The following BANK1 variants were observed in gnomAD, a reference collection of about 807,000 sequenced individuals.
The protein encoded by BANK1 is B-cell scaffold protein with ankyrin repeats.
Under a neutral mutation model 94.5 loss-of-function variants are expected in BANK1, and 95 were observed. The ratio of observed to expected loss-of-function variants is 1.00; its 90% CI spans 0.85 to 1.19. The LOEUF is 1.19. Among genes scored for constraint, BANK1 ranks in the 50% most tolerant of loss-of-function variants. BANK1 has a pLI of 0.00. For synonymous variants in BANK1, 334 were observed against 308.4 expected, an observed-to-expected ratio of 1.08 and a Z score of -0.87; for missense variants, 987 against 932.2, an observed-to-expected ratio of 1.06 and a Z score of -0.77.
intron 1 of BANK1, among the ~76,000 whole-genome samples, chr4:101,817,132 C>T (rs1407839635): frequency 6.6e-6 from 1 of 152,094 alleles, no homozygotes; most frequent in Non-Finnish European, 1.5e-5. Flanking sequence ...ATGTTTGTTT[C>T]CTTCAAAATG....
At chr4:101,802,337 C>T (rs944016314) in intron 1 of BANK1, among the ~76,000 whole-genome samples, 4 of 152,106 alleles carry the variant, frequency 2.6e-5, no homozygotes, top group Admixed American at 6.5e-5. Context: ...CTAATTGATG[C>T]CTGAAGTAAT....
intron 2 of BANK1, among the ~76,000 whole-genome samples, chr4:101,848,253 G>T (rs1209300247): frequency 6.6e-6 from 1 of 152,116 alleles, no homozygotes. Flanking sequence ...CCTCCAGAGG[G>T]TCTGTGGGTC....
At chr4:101,898,779 T>C (rs571769233) in intron 6 of BANK1, among the ~76,000 whole-genome samples, 231 of 152,158 alleles carry the variant, frequency 1.5e-3, no homozygotes, top group African/African-American at 5.5e-3. Flanking sequence ...TACCATTCCA[T>C]GTCAATAGGT....
intron 2 of BANK1, among the ~76,000 whole-genome samples, chr4:101,847,303 AGTT>A (rs1195997609): frequency 6.6e-6 from 1 of 151,894 alleles, no homozygotes; most frequent in African/African-American, 2.4e-5. Context: ...AATGTTCAGT[AGTT>A]GTTAGTTGTT....
intron 3 of BANK1, among the ~76,000 whole-genome samples, chr4:101,861,590 C>G (rs17031724): frequency 0.015 from 2,332 of 152,034 alleles, 56 homozygotes; most frequent in East Asian, 0.11. Flanking sequence ...GATTAGTCTT[C>G]AGAATGTAAT....
chr4:101,897,875 A>T (rs1051401655), intron 6 of BANK1, among the ~76,000 whole-genome samples: 3 of 151,996 alleles, frequency 2.0e-5, no homozygotes, highest in African/African-American at 7.2e-5. Context: ...CACAGAAAAA[A>T]ATATTACCCT....
chr4:102,060,448 T>A (rs1728381609), intron 12 of BANK1, 59 bp downstream of exon 12: 2 of 1,533,040 alleles, frequency 1.3e-6, no homozygotes, highest in Non-Finnish European at 1.7e-6. Context: ...CCTAGTTTGT[T>A]AATGTTTAAT....
chr4:101,861,206 G>C (rs1193270898), intron 3 of BANK1, among the ~76,000 whole-genome samples: 13 of 152,198 alleles, frequency 8.5e-5, no homozygotes, highest in Admixed American at 8.5e-4. Context: ...ATATTTAGGA[G>C]TATTAGACTC....
chr4:101,835,109 T>C (rs946400925), intron 2 of BANK1, among the ~76,000 whole-genome samples: 1 of 152,198 alleles, frequency 6.6e-6, no homozygotes, highest in Non-Finnish European at 1.5e-5. Flanking sequence ...CCTTTTTCTG[T>C]CTTCTATTTG....
intron 1 of BANK1, among the ~76,000 whole-genome samples, chr4:101,804,461 A>G (rs1385922013): frequency 2.0e-5 from 3 of 152,296 alleles, no homozygotes; most frequent in East Asian, 1.9e-4. Context: ...TAAACCTTGA[A>G]TAATGCCATG....
At chr4:102,063,243 T>A in intron 13 of BANK1, 105 bp downstream of exon 13, 1 of 978,650 alleles carries the variant, frequency 1.0e-6, no homozygotes, top group Non-Finnish European at 1.5e-6. Context: ...ACCTCAACAA[T>A]TCCCAGCTGT....
chr4:102,039,652 A>G (rs1727642799), intron 10 of BANK1, among the ~76,000 whole-genome samples: 1 of 152,064 alleles, frequency 6.6e-6, no homozygotes, highest in Non-Finnish European at 1.5e-5. Context: ...CAGTAATGGC[A>G]CATTTGACCT....
intron 7 of BANK1, among the ~76,000 whole-genome samples, chr4:101,945,064 G>C (rs1158657235): frequency 2.0e-5 from 3 of 151,928 alleles, no homozygotes; most frequent in Non-Finnish European, 2.9e-5. Context: ...TGCTTATAAG[G>C]GTGCTTTATT....
chr4:101,986,157 A>G (rs1224122589), intron 7 of BANK1, among the ~76,000 whole-genome samples: 9 of 152,136 alleles, frequency 5.9e-5, no homozygotes, highest in Admixed American at 3.3e-4. Flanking sequence ...GGGCTAATGT[A>G]TGTGAGAAAG....
chr4:101,958,577 C>T (rs1014199728), intron 7 of BANK1, among the ~76,000 whole-genome samples: 1 of 150,350 alleles, frequency 6.7e-6, no homozygotes, highest in African/African-American at 2.4e-5. Flanking sequence ...CTTTTCTATT[C>T]AAAGACATAC....
chr4:101,849,997 T>C (rs1055347944), intron 2 of BANK1, among the ~76,000 whole-genome samples: 1 of 152,210 alleles, frequency 6.6e-6, no homozygotes, highest in African/African-American at 2.4e-5. Context: ...TCACATTTTA[T>C]TGAGGAGGAA....
intron 7 of BANK1, among the ~76,000 whole-genome samples, chr4:102,016,145 T>C (rs993258180): frequency 3.3e-5 from 5 of 152,332 alleles, no homozygotes; most frequent in South Asian, 2.1e-4. Context: ...TATCATCTAT[T>C]CTTTGAAATT....
intron 7 of BANK1, among the ~76,000 whole-genome samples, chr4:102,005,850 T>C (rs1351356456): frequency 6.6e-6 from 1 of 152,008 alleles, no homozygotes; most frequent in Non-Finnish European, 1.5e-5. Flanking sequence ...AATTAACCAA[T>C]TGCACTGTCA....
intron 7 of BANK1, among the ~76,000 whole-genome samples, chr4:101,934,049 G>A (rs948418972): frequency 1.3e-5 from 2 of 151,324 alleles, no homozygotes; most frequent in Non-Finnish European, 3.0e-5. Flanking sequence ...TAGGGTCTGG[G>A]TGCCACTAGC....
Sources: gnomAD v4.1 joint callset for allele counts (sites outside exome capture counted in the v4.1 genomes callset) on GRCh38, gnomAD v4.1.1 for gene constraint, MANE v1.5 for transcripts, NCBI Gene and HGNC (gene_info 2026-07-23, HGNC 2026-07-21) for gene names.